GRN: variants seen among roughly 807,000 people sequenced by gnomAD.
GRN encodes progranulin.
A neutral mutation model predicts 66.7 loss-of-function variants in GRN; 30 were observed. The ratio of observed to expected loss-of-function variants is 0.45; its 90% CI spans 0.34 to 0.61. GRN has a LOEUF of 0.61. GRN is among the 20% of genes least tolerant of loss of function. The pLI, the probability that GRN is intolerant of heterozygous loss-of-function variation, is 0.01. For missense variants in GRN, 731 were observed against 803.5 expected (o/e 0.91, Z 1.09); for synonymous variants, 327 against 311.1 (o/e 1.05, Z -0.54).
Position 44,350,682 on chromosome 17 carries a change from C to T in GRN, c.599-9C>T. On this transcript the variant is annotated splice_polypyrimidine_tract_variant and intron_variant, in intron 6 of 12. Transcript: ENST00000053867. ...TCCTGGCTGCCCCTCACGTTTGCTCCTCTTCCAGTGGCCTTGTCCAGCTCG... is the reference window on the plus strand; with the variant it reads ...TCCTGGCTGCCCCTCACGTTTGCTCTTCTTCCAGTGGCCTTGTCCAGCTCG... 6.2e-7 allele frequency: 1 copy of T among 1,613,256 alleles called. No individual in the cohort carries two copies. Among genetic ancestry groups the T allele is most frequent in the East Asian group, 2.2e-5 (1 of 44,876 alleles).
chr17:44,351,719 A>C lies in GRN; in HGVS notation c.1103A>C (p.Asn368Thr), dbSNP rs2048376564. ...QALKRDVPCDNVSSCPSSDTC... is the reference protein window; with the variant it reads ...QALKRDVPCDTVSSCPSSDTC... ...TTGAAGAGAGATGTCCCCTGTGATA[A>C]TGTCAGCAGCTGTCCCTCCTCCGAT... Residue 368 changes from asparagine (N) to threonine (T), a missense_variant, in exon 10 of 13, where the codon AAT becomes ACT. Transcript: ENST00000053867. The C allele has an allele frequency of 4.3e-6, 7 of 1,613,618 alleles. No homozygotes were observed. In the South Asian group the frequency reaches 7.7e-5, roughly 18 times the overall value.
Position 44,350,754 on chromosome 17 carries a change from G to A in GRN, c.662G>A (p.Cys221Tyr). The A allele has an allele frequency of 3.1e-6, 5 of 1,614,030 alleles. No homozygotes were observed. The highest frequency in any genetic ancestry group is 4.2e-6 in the Non-Finnish European group (5 of 1,179,888). ...ARSRCPDGST[C>Y]CELPSGKYGC... ...TCCCGGTGCCCTGATGGTTCTACCT[G>A]CTGTGAGCTGCCCAGTGGGAAGTAT... Residue 221 changes from cysteine (C) to tyrosine (Y), a missense_variant, in exon 7 of 13, where the codon TGC (cysteine) becomes TAC (tyrosine). By Grantham distance (194) the Cys-to-Tyr change is radical (BLOSUM62 -2). Around this residue, in one of 3 missense-constraint regions of GRN, gnomAD observed 370 missense variants for 379.8 expected, o/e 0.97. Transcript: ENST00000053867.
chr17:44,347,914 A>T (rs1456499077), intron 1 of GRN, among the ~76,000 whole-genome samples: 1 of 137,774 alleles, frequency 7.3e-6, no homozygotes, highest in African/African-American at 2.7e-5. Context: ...TGGGCAACAG[A>T]GCAAGACTGT....
chr17:44,350,764 G>T lies in GRN; in HGVS notation c.672G>T (p.Leu224=). Residue 224 remains leucine, a synonymous_variant, in exon 7 of 13, where the codon CTG becomes CTT. Coordinates refer to ENST00000053867, the MANE Select transcript of GRN (RefSeq NM_002087.4). ...CTGATGGTTCTACCTGCTGTGAGCT[G>T]CCCAGTGGGAAGTATGGCTGCTGCC... ...RCPDGSTCCE[L]PSGKYGCCPM... 2.5e-6 allele frequency: 4 copies of T among 1,613,808 alleles called. No homozygotes were observed. The highest frequency in any genetic ancestry group is 3.4e-6 in the Non-Finnish European group (4 of 1,179,710).
rs1567887777 is a variant in GRN at position 44,351,795 on chromosome 17, G to A, written c.1179G>A (p.Glu393=). Residue 393 remains glutamate (E), a splice_region_variant and synonymous_variant, in exon 10 of 13, where the codon GAG becomes GAA. Transcript: ENST00000053867. ...AGTGGGGCTGCTGTCCAATCCCAGA[G>A]GTATATGGGAGGGGACAGCATCTTG... The part of the protein sequence containing the change: ...SGEWGCCPIP[E]AVCCSDHQHC... 2 of 1,612,914 alleles carry A rather than the reference G, an allele frequency of 1.2e-6. No individual in the cohort carries two copies. Among genetic ancestry groups the A allele is most frequent in the Non-Finnish European group, 1.7e-6 (2 of 1,179,702 alleles).
chr17:44,350,296 T>C lies in GRN; in HGVS notation c.418T>C (p.Cys140Arg), dbSNP rs1248058567. The change falls in exon 5 of 13, where the codon TGT (cysteine) becomes CGT (arginine). Residue 140 changes from cysteine to arginine, a missense_variant. Physicochemically the swap from Cys to Arg is radical, Grantham distance 180 (BLOSUM62 -3). Coordinates refer to ENST00000053867, the MANE Select transcript of GRN (RefSeq NM_002087.4). ...QFECPDFSTC[C>R]VMVDGSWGCC... is the part of the protein sequence containing the mutation. ...CGAATGCCCGGACTTCTCCACGTGC[T>C]GTGTTATGGTCGATGGCTCCTGGGG... is the stretch of plus-strand genomic sequence containing the variant. 1.9e-6 allele frequency: 3 copies of C among 1,613,092 alleles called. No individual in the cohort carries two copies. The highest frequency in any genetic ancestry group is 2.2e-5 in the East Asian group (1 of 44,838).
At chr17:44,347,775 A>G (rs2048336181) in intron 1 of GRN, among the ~76,000 whole-genome samples, 1 of 151,338 alleles carries the variant, frequency 6.6e-6, no homozygotes, top group African/African-American at 2.4e-5. Context: ...AATATGGTGA[A>G]ACCCCCTCTC....
intron 10 of GRN, 49 bp from the exon 11 acceptor site, chr17:44,351,966 C>A (rs574857626): frequency 6.7e-7 from 1 of 1,503,132 alleles, no homozygotes. Context: ...CTCGGCACTG[C>A]GCCCCACATA....
In GRN at chr17:44,352,253, G is replaced by A; in HGVS notation, c.1413+5G>A. On this transcript the variant is annotated splice_donor_5th_base_variant and intron_variant, in intron 11 of 12. Transcript: ENST00000053867. ...GCCTGCTGCCAGTTGCCCCATGTGA[G>A]TGCCTCCCTGCCTGCCCCTGGATAG... The A allele has an allele frequency of 6.2e-7, 1 of 1,609,356 alleles. No individual in the cohort carries two copies.
Position 44,351,389 on chromosome 17 carries a change from G to A in GRN, c.862G>A (p.Val288Met). Residue 288 changes from valine (V) to methionine (M), a missense_variant, in exon 9 of 13, where the codon GTG becomes ATG. Transcript: ENST00000053867. ...GGGGGATGTGAAATGTGACATGGAG[G>A]TGAGCTGCCCAGATGGCTATACCTG... ...TVGDVKCDME[V>M]SCPDGYTCCR... The A allele has an allele frequency of 6.2e-7, 1 of 1,613,738 alleles. No homozygotes were observed. The highest frequency in any genetic ancestry group is 1.3e-5 in the African/African-American group (1 of 75,014).
chr17:44,351,225 C>T, intron 8 of GRN, 62 bp downstream of exon 8: 1 of 1,592,382 alleles, frequency 6.3e-7, no homozygotes, highest in South Asian at 1.1e-5. Context: ...TAGGCCTGGC[C>T]TTAGGATCAC....
At position 44,349,163 on chromosome 17, in the gene GRN, C is replaced by T. The variant is rs781420906; in HGVS notation, c.-2C>T. ...CGTTCCTTGGTACTTTGCAGGCAGA[C>T]CATGTGGACCCTGGTGAGCTGGGTG... On this transcript the variant is annotated 5_prime_UTR_variant, in exon 2 of 13. Transcript: ENST00000053867. 1.9e-6 allele frequency: 3 copies of T among 1,614,064 alleles called. No individual in the cohort carries two copies. In the South Asian group the frequency reaches 3.3e-5, roughly 18 times the overall value.
At chr17:44,351,864 C>T (rs796444381) in intron 10 of GRN, 69 bp downstream of exon 10, 2 of 1,546,644 alleles carry the variant, frequency 1.3e-6, no homozygotes, top group Non-Finnish European at 8.9e-7. Flanking sequence ...TTTCTGCCCT[C>T]CGCATAGCCC....
At chr17:44,351,872 C>G in intron 10 of GRN, 77 bp downstream of exon 10, 1 of 1,527,268 alleles carries the variant, frequency 6.5e-7, no homozygotes, top group Non-Finnish European at 9.0e-7. Flanking sequence ...CTCCGCATAG[C>G]CCATAGGTGA....
At position 44,350,549 on chromosome 17, in the gene GRN, G is replaced by A; in HGVS notation, c.570G>A (p.Lys190=). 6.2e-7 allele frequency: 1 copy of A among 1,613,928 alleles called. No homozygotes were observed. Among genetic ancestry groups the A allele is most frequent in the Non-Finnish European group, 8.5e-7 (1 of 1,179,964 alleles). Residue 190 remains lysine (K), a synonymous_variant, in exon 6 of 13, where the codon AAG becomes AAA. Transcript: ENST00000053867. ...CGGGCACCCACCCCCTGGCAAAGAAGCTCCCTGCCCAGAGGACTAACAGGG... is the reference window on the plus strand; with the variant it reads ...CGGGCACCCACCCCCTGGCAAAGAAACTCCCTGCCCAGAGGACTAACAGGG... ...TPTGTHPLAK[K]LPAQRTNRAV... is the part of the protein sequence containing the mutation.
intron 1 of GRN, 151 bp downstream of exon 1, chr17:44,345,485 G>A (rs2048319984): frequency 6.6e-6 from 1 of 152,318 alleles, no homozygotes; most frequent in South Asian, 2.1e-4. Context: ...ACTAGGGGGA[G>A]TTTTATGGGA....
chr17:44,350,604 A>G (rs2048363442), intron 6 of GRN, 27 bp downstream of exon 6: 2 of 1,613,208 alleles, frequency 1.2e-6, no homozygotes, highest in African/African-American at 1.3e-5. Context: ...GCATCAGGCC[A>G]GGGGCTGGGG....
rs753070659 is a variant in GRN at position 44,350,481 on chromosome 17, G to A, written c.502G>A (p.Gly168Ser). The A allele has an allele frequency of 1.9e-5, 31 of 1,613,734 alleles. No homozygotes were observed. The highest frequency in any genetic ancestry group is 2.7e-5 in the African/African-American group (2 of 74,844). Residue 168 changes from glycine (G) to serine (S), a missense_variant, in exon 6 of 13, where the codon GGT becomes AGT. By Grantham distance (56) the Gly-to-Ser change is moderately conservative. Around this residue, in one of 3 missense-constraint regions of GRN, gnomAD observed 370 missense variants for 379.8 expected, o/e 0.97. Transcript: ENST00000053867. ...CEDRVHCCPH[G>S]AFCDLVHTRC... Reference sequence around the variant, plus strand: ...AGACAGGGTGCACTGCTGTCCGCACGGTGCCTTCTGCGACCTGGTTCACAC... The same window carrying A: ...AGACAGGGTGCACTGCTGTCCGCACAGTGCCTTCTGCGACCTGGTTCACAC...
Position 44,352,267 on chromosome 17 carries a change from G to T in GRN, c.1413+19G>T. ...GCCCCATGTGAGTGCCTCCCTGCCTGCCCCTGGATAGGGGAGCTAAGCCCA... is the reference window on the plus strand; with the variant it reads ...GCCCCATGTGAGTGCCTCCCTGCCTTCCCCTGGATAGGGGAGCTAAGCCCA... On this transcript the variant is annotated intron_variant, in intron 11 of 12. Coordinates refer to ENST00000053867, the MANE Select transcript of GRN (RefSeq NM_002087.4). 6.3e-7 allele frequency: 1 copy of T among 1,599,694 alleles called. No individual in the cohort carries two copies.
Sources: allele counts gnomAD v4.1 joint callset (sites outside exome capture counted in the v4.1 genomes callset), GRCh38; gene constraint gnomAD v4.1.1; regional missense constraint gnomAD v4.1.1; transcripts MANE v1.5; gene names NCBI Gene and HGNC (gene_info 2026-07-23, HGNC 2026-07-21).